The following SH3BP2 variants were observed in gnomAD, a reference collection of about 807,000 sequenced individuals.
The protein encoded by SH3BP2 is SH3 domain-binding protein 2.
A neutral mutation model predicts 56.2 loss-of-function variants in SH3BP2; 38 were observed. That is an observed-to-expected ratio of 0.68 (90% CI 0.52 to 0.89). SH3BP2 has a LOEUF of 0.89. Ranked by LOEUF, SH3BP2 falls within the 40% of genes least tolerant of loss-of-function variation. The probability of loss-of-function intolerance (pLI) is 0.00; values close to 1 mark genes in which losing one functional copy is unlikely to be tolerated. For synonymous variants in SH3BP2, 346 were observed against 316.7 expected (o/e 1.09, Z -0.98); for missense variants, 748 against 762.6 (o/e 0.98, Z 0.23).
chr4:2,837,808 G>T lies in SH3BP2; in HGVS notation c.*3974G>T, dbSNP rs80306465. 6,092 of 152,532 alleles carry T rather than the reference G, an allele frequency of 0.04. 414 individuals are homozygous for T. The highest frequency in any genetic ancestry group is 0.13 in the African/African-American group (5,544 of 41,504). 9.4% of individuals were successfully genotyped at this position (152,532 alleles called of 1,614,324 possible). On this transcript the variant is annotated 3_prime_UTR_variant, in exon 13 of 13. Transcript: ENST00000503393. ...TCCACCTAGACTGCCTGCTGAGGGG[G>T]CAGTGCCAGGAGGTTGCCTGTCCTT...
intron 1 of SH3BP2, chr4:2,818,406 C>A: frequency 8.6e-7 from 1 of 1,166,866 alleles, no homozygotes; most frequent in Non-Finnish European, 1.1e-6. Flanking sequence ...TACCGAGCCC[C>A]GGCCCCCGAG....
intron 1 of SH3BP2, among the ~76,000 whole-genome samples, chr4:2,808,072 A>C (rs75948462): frequency 1.3e-5 from 2 of 150,732 alleles, no homozygotes; most frequent in East Asian, 3.9e-4. Flanking sequence ...TGCCCTAAGA[A>C]AGTTCCACAC....
chr4:2,806,415 T>G (rs1469157626), intron 1 of SH3BP2, among the ~76,000 whole-genome samples: 1 of 152,200 alleles, frequency 6.6e-6, no homozygotes, highest in Non-Finnish European at 1.5e-5. Context: ...ATCAGGACTC[T>G]GGAGAATTTT....
At chr4:2,818,944 T>C in intron 1 of SH3BP2, 22 of 970,280 alleles carry the variant, frequency 2.3e-5, no homozygotes, top group Non-Finnish European at 2.6e-5. Context: ...ATTTTGTTTT[T>C]AATTTTTTAA....
chr4:2,800,851 C>A (rs1425651337), intron 1 of SH3BP2, among the ~76,000 whole-genome samples: 1 of 152,148 alleles, frequency 6.6e-6, no homozygotes, highest in East Asian at 1.9e-4. Flanking sequence ...TGGGGAACGG[C>A]TGGAGGAACT....
At chr4:2,802,749 A>G (rs1751848) in intron 1 of SH3BP2, among the ~76,000 whole-genome samples, 75,026 of 148,336 alleles carry the variant, frequency 0.51, 18,670 homozygotes, top group Admixed American at 0.58. Flanking sequence ...AAAGGATCAC[A>G]GCGAATGCAT....
chr4:2,823,477 C>G (rs1043916953), intron 3 of SH3BP2: 2 of 457,666 alleles, frequency 4.4e-6, no homozygotes, highest in South Asian at 1.5e-5. Context: ...TCCTCCCAGG[C>G]CGGGATCAGT....
chr4:2,819,350 A>G (rs1724176080), intron 1 of SH3BP2, among the ~76,000 whole-genome samples: 1 of 152,218 alleles, frequency 6.6e-6, no homozygotes, highest in Non-Finnish European at 1.5e-5. Flanking sequence ...CTCCTAGAGC[A>G]GCTGGGACTA....
At chr4:2,809,497 C>T (rs1327461171) in intron 1 of SH3BP2, among the ~76,000 whole-genome samples, 4 of 152,142 alleles carry the variant, frequency 2.6e-5, no homozygotes, top group African/African-American at 7.2e-5. Context: ...CTGAAGGTGG[C>T]AAGCAGGTAC....
chr4:2,813,481 C>G (rs1353110698), intron 1 of SH3BP2, among the ~76,000 whole-genome samples: 1 of 152,116 alleles, frequency 6.6e-6, no homozygotes. Context: ...GCCTCTATAC[C>G]CAAGTCTGTA....
intron 1 of SH3BP2, among the ~76,000 whole-genome samples, chr4:2,799,511 G>A (rs757478468): frequency 4.0e-4 from 61 of 152,200 alleles, no homozygotes; most frequent in Non-Finnish European, 6.6e-4. Flanking sequence ...TGCCTCTGGG[G>A]CAGGAAGTTG....
chr4:2,796,027 C>T (rs572855475), intron 1 of SH3BP2, among the ~76,000 whole-genome samples: 1 of 152,268 alleles, frequency 6.6e-6, no homozygotes, highest in Admixed American at 6.5e-5. Flanking sequence ...TCCTCACCAC[C>T]CCTTGGCCTG....
chr4:2,802,710 T>C lies in SH3BP2; in HGVS notation c.-5+9572T>C, dbSNP rs1275143810. Among the ~76,000 whole-genome samples, 4 of 138,992 alleles carry C rather than the reference T, an allele frequency of 2.9e-5. No individual in the cohort carries two copies. The East Asian group carries it at 8.0e-4, about 28-fold the overall frequency. The allele number at this position is 138,992 out of a possible 152,430, so 91.2% of individuals were successfully genotyped here. On this transcript the variant is annotated intron_variant, in intron 1 of 12. Transcript: ENST00000503393. ...GTATATATGTATGTATGTATATCTATATACACACACACACGTAACGTTAGG... is the reference window on the plus strand; with the variant it reads ...GTATATATGTATGTATGTATATCTACATACACACACACACGTAACGTTAGG...
intron 11 of SH3BP2, 90 bp downstream of exon 11, chr4:2,832,502 C>G: frequency 2.1e-6 from 2 of 961,986 alleles, no homozygotes; most frequent in Non-Finnish European, 3.4e-6. Flanking sequence ...GTTCCTAAAC[C>G]ACTCCCCTTG....
At chr4:2,795,661 G>T (rs113405180) in intron 1 of SH3BP2, among the ~76,000 whole-genome samples, 4 of 152,198 alleles carry the variant, frequency 2.6e-5, no homozygotes, top group African/African-American at 9.7e-5. Context: ...AGGGTGGGCC[G>T]TCAGGAGGAG....
intron 4 of SH3BP2, 102 bp from the exon 5 acceptor site, chr4:2,825,021 TGAC>T: frequency 8.8e-7 from 1 of 1,137,774 alleles, no homozygotes; most frequent in Non-Finnish European, 1.3e-6. Context: ...TCGCCTCCTC[TGAC>T]CTTGGGAGTC....
In SH3BP2 at chr4:2,809,328, T is replaced by C. The variant is rs187619877; in HGVS notation, c.-4-11286T>C. ...TAGTGCCCTCCCTCCCTCCCTGGGC[T>C]CATTACCCACCTTCCCCCAGGTTCA... On this transcript the variant is annotated intron_variant, in intron 1 of 12. Transcript: ENST00000503393. 3.1e-4 allele frequency among the ~76,000 whole-genome samples: 41 copies of C among 131,286 alleles called. No homozygotes were observed. In the East Asian group the frequency reaches 9.6e-3, roughly 31 times the overall value. The allele number at this position is 131,286 out of a possible 152,430, so 86.1% of individuals were successfully genotyped here.
chr4:2,817,808 CCTCCATGCAGGTG>C (rs1296518080), intron 1 of SH3BP2: 1 of 152,248 alleles, frequency 6.6e-6, no homozygotes, highest in African/African-American at 2.4e-5. Context: ...CCGTTGCCGC[CCTCCATGCAGGTG>C]CCGTTTTGCA....
chr4:2,812,609 C>A, intron 1 of SH3BP2: 2 of 1,215,944 alleles, frequency 1.6e-6, no homozygotes, highest in Non-Finnish European at 2.3e-6. Context: ...CAGGAGGTGG[C>A]CCTGAGCCTG....
Sources: allele counts gnomAD v4.1 joint callset (sites outside exome capture counted in the v4.1 genomes callset), GRCh38; gene constraint gnomAD v4.1.1; transcripts MANE v1.5; gene names NCBI Gene and HGNC (gene_info 2026-07-23, HGNC 2026-07-21).